The following ZNF385D variants were observed in gnomAD, a reference collection of about 807,000 sequenced individuals.
ZNF385D encodes the protein zinc finger protein 385D, also known as zinc finger protein 659.
In ZNF385D, 15 loss-of-function variants were observed where a neutral mutation model predicts 35.8. The ratio of observed to expected loss-of-function variants is 0.42; its 90% CI spans 0.28 to 0.64. ZNF385D has a LOEUF of 0.64. Ranked by LOEUF, ZNF385D falls within the 30% of genes least tolerant of loss-of-function variation. ZNF385D has a pLI of 0.23. For missense variants in ZNF385D, 474 were observed against 494.6 expected (o/e 0.96, Z 0.39); for synonymous variants, 212 against 186.8 (o/e 1.13, Z -1.10).
chr3:22,320,878 T>G (rs1262144774), intron 2 of ZNF385D, among the ~76,000 whole-genome samples: 1 of 152,010 alleles, frequency 6.6e-6, no homozygotes, highest in Non-Finnish European at 1.5e-5. Flanking sequence ...GACAGCATAT[T>G]TAAATTTTGT....
chr3:21,809,324 A>G (rs2072799586), intron 3 of ZNF385D, among the ~76,000 whole-genome samples: 1 of 152,046 alleles, frequency 6.6e-6, no homozygotes. Context: ...ACCTAGGTAA[A>G]TATAAAAGAC....
At chr3:21,810,463 G>T (rs541584858) in intron 3 of ZNF385D, among the ~76,000 whole-genome samples, 1 of 151,946 alleles carries the variant, frequency 6.6e-6, no homozygotes. Flanking sequence ...CATGGCACAT[G>T]TATACATATG....
At chr3:21,738,162 T>C (rs1193368974) in intron 1 of ZNF385D, among the ~76,000 whole-genome samples, 1 of 152,186 alleles carries the variant, frequency 6.6e-6, no homozygotes, top group East Asian at 1.9e-4. Context: ...TTGGTTCTCT[T>C]GTGAGTTTGT....
chr3:22,133,768 A>T (rs1039311285), intron 3 of ZNF385D: 7 of 151,922 alleles, frequency 4.6e-5, no homozygotes, highest in African/African-American at 1.5e-4. Context: ...CTTCGAAGCC[A>T]TTCCTTGCTC....
At chr3:21,826,848 T>C (rs1015357895) in intron 3 of ZNF385D, among the ~76,000 whole-genome samples, 2 of 148,098 alleles carry the variant, frequency 1.4e-5, no homozygotes, top group African/African-American at 5.0e-5. Flanking sequence ...AACTCTCCTG[T>C]AGAACAAGGT....
intron 5 of ZNF385D, among the ~76,000 whole-genome samples, chr3:21,436,436 G>A (rs997119748): frequency 6.6e-6 from 1 of 152,100 alleles, no homozygotes; most frequent in Non-Finnish European, 1.5e-5. Context: ...GTTGGAAAGA[G>A]TAACTAAAAA....
intron 2 of ZNF385D, among the ~76,000 whole-genome samples, chr3:22,223,845 A>C (rs1188150571): frequency 6.6e-6 from 1 of 152,122 alleles, no homozygotes; most frequent in Non-Finnish European, 1.5e-5. Context: ...TGTAGTTCCT[A>C]AGGTATCCTA....
chr3:21,480,100 A>ATT (rs369558911), intron 4 of ZNF385D, among the ~76,000 whole-genome samples: 3,329 of 133,516 alleles, frequency 0.025, 92 homozygotes, highest in South Asian at 0.055. Context: ...GAATGTAAGA[A>ATT]TTTTTTTTTT....
intron 2 of ZNF385D, among the ~76,000 whole-genome samples, chr3:22,253,222 G>T (rs571932778): frequency 6.6e-6 from 1 of 151,932 alleles, no homozygotes; most frequent in African/African-American, 2.4e-5. Flanking sequence ...ACTTAGAAAG[G>T]GCTGTTCAGA....
chr3:21,903,752 GC>G (rs1699534166), intron 3 of ZNF385D, among the ~76,000 whole-genome samples: 1 of 152,116 alleles, frequency 6.6e-6, no homozygotes, highest in African/African-American at 2.4e-5. Flanking sequence ...AATGAAGTCA[GC>G]TTTGAGTAAA....
At chr3:21,600,431 G>C (rs893006147) in intron 2 of ZNF385D, among the ~76,000 whole-genome samples, 1 of 152,104 alleles carries the variant, frequency 6.6e-6, no homozygotes, top group Non-Finnish European at 1.5e-5. Flanking sequence ...CACCAGAAAG[G>C]TTAAACGATG....
At chr3:21,830,495 C>G (rs376396354) in intron 3 of ZNF385D, among the ~76,000 whole-genome samples, 7 of 152,178 alleles carry the variant, frequency 4.6e-5, no homozygotes, top group African/African-American at 1.2e-4. Flanking sequence ...AAAGCCTCTA[C>G]GTATTGTTTG....
intron 3 of ZNF385D, among the ~76,000 whole-genome samples, chr3:21,953,729 C>T (rs1406326544): frequency 6.6e-6 from 1 of 151,902 alleles, no homozygotes. Context: ...TTTTAATATT[C>T]ATGTAACTAA....
At chr3:21,776,050 A>G (rs898752221) in intron 3 of ZNF385D, among the ~76,000 whole-genome samples, 1 of 151,686 alleles carries the variant, frequency 6.6e-6, no homozygotes, top group African/African-American at 2.4e-5. Context: ...TTGTATTTCA[A>G]ATTTTTTGTA....
At chr3:21,886,569 A>C (rs1698558386) in intron 3 of ZNF385D, among the ~76,000 whole-genome samples, 1 of 152,044 alleles carries the variant, frequency 6.6e-6, no homozygotes, top group Non-Finnish European at 1.5e-5. Context: ...GGCTCAGAAA[A>C]ACCACAATTT....
At chr3:21,450,908 A>G (rs1384543029) in intron 4 of ZNF385D, among the ~76,000 whole-genome samples, 1 of 152,170 alleles carries the variant, frequency 6.6e-6, no homozygotes, top group Non-Finnish European at 1.5e-5. Flanking sequence ...TGACTTGTCA[A>G]TCTGAGTTAA....
intron 3 of ZNF385D, among the ~76,000 whole-genome samples, chr3:21,532,500 C>A (rs1460363142): frequency 6.6e-6 from 1 of 151,936 alleles, no homozygotes; most frequent in Non-Finnish European, 1.5e-5. Flanking sequence ...TCAAGATATT[C>A]TTTGAGAATG....
chr3:21,941,916 T>C (rs1221588542), intron 3 of ZNF385D, among the ~76,000 whole-genome samples: 1 of 152,214 alleles, frequency 6.6e-6, no homozygotes, highest in African/African-American at 2.4e-5. Flanking sequence ...TCCTCATTCA[T>C]AGCCTTAGGT....
chr3:21,959,658 G>T (rs986234599), intron 3 of ZNF385D, among the ~76,000 whole-genome samples: 1 of 152,160 alleles, frequency 6.6e-6, no homozygotes, highest in Admixed American at 6.5e-5. Context: ...GGAAGATGGG[G>T]CTAGCCCCAT....
Sources: gnomAD v4.1 joint callset for allele counts (sites outside exome capture counted in the v4.1 genomes callset) on GRCh38, gnomAD v4.1.1 for gene constraint, MANE v1.5 for transcripts, NCBI Gene and HGNC (gene_info 2026-07-23, HGNC 2026-07-21) for gene names.